The following SCG5 variants were observed in gnomAD, a reference collection of about 807,000 sequenced individuals.
The protein encoded by SCG5 is secretogranin V, also known as neuroendocrine protein 7B2.
Under a neutral mutation model 25.7 loss-of-function variants are expected in SCG5, and 18 were observed. That is an observed-to-expected ratio of 0.70 (90% CI 0.48 to 1.04). The LOEUF is 1.04. Ranked by LOEUF, SCG5 falls within the 50% of genes least tolerant of loss-of-function variation. The probability of loss-of-function intolerance (pLI) is 0.00; values close to 1 mark genes in which losing one functional copy is unlikely to be tolerated. For synonymous variants in SCG5, 101 were observed against 91.7 expected, an observed-to-expected ratio of 1.10 and a Z score of -0.58; for missense variants, 206 against 259.8, an observed-to-expected ratio of 0.79 and a Z score of 1.42.
intron 2 of SCG5, among the ~76,000 whole-genome samples, chr15:32,665,176 A>G (rs1441429399): frequency 6.6e-6 from 1 of 152,220 alleles, no homozygotes; most frequent in Non-Finnish European, 1.5e-5. Context: ...GCATTTATCC[A>G]TCAGGGCCAC....
intron 2 of SCG5, among the ~76,000 whole-genome samples, chr15:32,673,338 C>T (rs1359587286): frequency 4.6e-5 from 7 of 152,274 alleles, no homozygotes; most frequent in Admixed American, 2.6e-4. Context: ...GGCACTCTCT[C>T]GGAGCTAATT....
In SCG5 at chr15:32,679,885, C is replaced by T; in HGVS notation, c.346C>T (p.Pro116Ser). ...DFSEDQGYPD[P>S]PNPCPVGKTA... ...TAGTGAGGATCAGGGGTACCCAGACCCTCCAAATCCCTGTCCTGTTGGAAA... is the reference window on the plus strand; with the variant it reads ...TAGTGAGGATCAGGGGTACCCAGACTCTCCAAATCCCTGTCCTGTTGGAAA... The change falls in exon 3 of 6, where the codon CCT becomes TCT. Residue 116 changes from proline to serine, a missense_variant. Physicochemically the swap from Pro to Ser is moderately conservative, Grantham distance 74 (BLOSUM62 -1). Coordinates refer to ENST00000300175, the MANE Select transcript of SCG5 (RefSeq NM_001144757.3). 15 of 1,613,676 alleles carry T rather than the reference C, an allele frequency of 9.3e-6. No individual in the cohort carries two copies. Among genetic ancestry groups the T allele is most frequent in the Non-Finnish European group, 1.2e-5 (14 of 1,179,748 alleles).
rs527547252 is a variant in SCG5 at position 32,671,531 on chromosome 15, GTCT to G, written c.227-8227_227-8225del. Among the ~76,000 whole-genome samples, 459 of 152,166 alleles carry G rather than the reference GTCT, an allele frequency of 3.0e-3. 1 individual carries two copies. Among genetic ancestry groups the G allele is most frequent in the Non-Finnish European group, 4.6e-3 (312 of 68,002 alleles). ...TCTCCTGCTCTTTCTCTTTGCCTCT[GTCT>G]TCTTCTTTCCTGTGGAGACAATAGC... On this transcript the variant is annotated intron_variant, in intron 2 of 5. Transcript: ENST00000300175.
chr15:32,692,084 C>G, intron 5 of SCG5: 1 of 1,191,040 alleles, frequency 8.4e-7, no homozygotes, highest in African/African-American at 1.6e-5. Flanking sequence ...GGTCTGTCTG[C>G]CCTCCCAGGG....
intron 4 of SCG5, among the ~76,000 whole-genome samples, chr15:32,685,874 A>G (rs947059511): frequency 6.6e-6 from 1 of 152,186 alleles, no homozygotes; most frequent in Non-Finnish European, 1.5e-5. Flanking sequence ...TAAAGTCCTC[A>G]TCTCTTCTTA....
chr15:32,650,326 C>A (rs912972399), intron 2 of SCG5, among the ~76,000 whole-genome samples: 9 of 152,196 alleles, frequency 5.9e-5, no homozygotes, highest in African/African-American at 1.7e-4. Flanking sequence ...TGGTCTCGAT[C>A]TCCTGACCTC....
intron 2 of SCG5, among the ~76,000 whole-genome samples, chr15:32,657,215 A>G (rs1375120670): frequency 8.9e-6 from 1 of 112,022 alleles, no homozygotes; most frequent in African/African-American, 3.0e-5. Flanking sequence ...ATATATATGT[A>G]TGTATTTCCA....
intron 2 of SCG5, among the ~76,000 whole-genome samples, chr15:32,679,452 C>T (rs1354993750): frequency 1.3e-5 from 2 of 152,144 alleles, no homozygotes; most frequent in African/African-American, 2.4e-5. Flanking sequence ...TCGCCTACCT[C>T]GGCTTCGCAA....
intron 5 of SCG5, chr15:32,692,365 C>G: frequency 2.6e-6 from 2 of 771,856 alleles, no homozygotes; most frequent in Non-Finnish European, 3.1e-6. Flanking sequence ...CCAGGGCTGC[C>G]CAAGGTAGGA....
intron 2 of SCG5, among the ~76,000 whole-genome samples, chr15:32,644,117 G>A (rs865985689): frequency 2.9e-4 from 44 of 152,250 alleles, no homozygotes; most frequent in Admixed American, 1.1e-3. Flanking sequence ...GTACATAATA[G>A]GTGCTCAATT....
intron 2 of SCG5, among the ~76,000 whole-genome samples, chr15:32,647,635 C>A (rs28718369): frequency 0.34 from 52,208 of 151,936 alleles, 9,450 homozygotes; most frequent in East Asian, 0.52. Flanking sequence ...TACTTCTTCA[C>A]CTCTCATTCT....
intron 2 of SCG5, among the ~76,000 whole-genome samples, chr15:32,656,596 G>A (rs1171462130): frequency 6.6e-6 from 1 of 152,182 alleles, no homozygotes; most frequent in Non-Finnish European, 1.5e-5. Flanking sequence ...TTCTATCCTG[G>A]TAGACTAGTA....
rs80172568 is a variant in SCG5 at position 32,671,872 on chromosome 15, C to T, written c.227-7894C>T. On this transcript the variant is annotated intron_variant, in intron 2 of 5. Coordinates refer to ENST00000300175, the MANE Select transcript of SCG5 (RefSeq NM_001144757.3). ...AAGGAGCCACCCCGCCCCTTCCTCG[C>T]CCCACTCCGCTTTGCCTTCCCTTAG... 0.015 allele frequency among the ~76,000 whole-genome samples: 2,298 copies of T among 152,194 alleles called. 122 individuals carry two copies. In the East Asian group the frequency reaches 0.19, roughly 12 times the overall value.
At chr15:32,671,746 G>A in intron 2 of SCG5, among the ~76,000 whole-genome samples, 1 of 152,096 alleles carries the variant, frequency 6.6e-6, no homozygotes, top group Non-Finnish European at 1.5e-5. Flanking sequence ...TGGACCTTAG[G>A]AAGGAGATTT....
intron 2 of SCG5, 91 bp downstream of exon 2, chr15:32,643,909 C>A (rs2053905330): frequency 1.9e-6 from 2 of 1,048,722 alleles, no homozygotes; most frequent in Non-Finnish European, 2.8e-6. Flanking sequence ...TAAGTAGATG[C>A]CTTTATTATC....
chr15:32,647,123 CCTT>C (rs1032007349), intron 2 of SCG5, among the ~76,000 whole-genome samples: 3 of 152,112 alleles, frequency 2.0e-5, no homozygotes, highest in Non-Finnish European at 4.4e-5. Flanking sequence ...ACTCCTATAA[CCTT>C]CTGTTTAGCT....
chr15:32,666,239 A>G (rs2054316423), intron 2 of SCG5: 1 of 152,236 alleles, frequency 6.6e-6, no homozygotes. Flanking sequence ...TAAGATGCAC[A>G]TACATACTTT....
intron 2 of SCG5, chr15:32,677,557 C>G (rs1228699797): frequency 1.3e-5 from 2 of 152,214 alleles, no homozygotes; most frequent in Non-Finnish European, 2.9e-5. Context: ...ACTAATCCAG[C>G]CTGTGGCAGG....
intron 2 of SCG5, among the ~76,000 whole-genome samples, chr15:32,649,891 C>G (rs1362340366): frequency 1.3e-5 from 2 of 152,154 alleles, no homozygotes; most frequent in Non-Finnish European, 2.9e-5. Flanking sequence ...GCCTAGTTCT[C>G]TCAAATAAAA....
Sources: gnomAD v4.1 joint callset for allele counts (sites outside exome capture counted in the v4.1 genomes callset) on GRCh38, gnomAD v4.1.1 for gene constraint, MANE v1.5 for transcripts, NCBI Gene and HGNC (gene_info 2026-07-23, HGNC 2026-07-21) for gene names.